The following SDHA variants were observed in gnomAD, a reference collection of about 807,000 sequenced individuals.
SDHA encodes succinate dehydrogenase complex flavoprotein subunit A.
SDHA carries 48 observed loss-of-function variants against 78.4 expected under a neutral mutation model. That is an observed-to-expected ratio of 0.61 (90% CI 0.49 to 0.78). The LOEUF (loss-of-function observed/expected upper bound fraction) is 0.78. Among genes scored for constraint, SDHA ranks in the 30% least tolerant of loss-of-function variants. The probability of loss-of-function intolerance (pLI) is 0.00; values close to 1 mark genes in which losing one functional copy is unlikely to be tolerated. For missense variants in SDHA, 680 were observed against 892.7 expected (o/e 0.76, Z 3.04); for synonymous variants, 326 against 353.9 (o/e 0.92, Z 0.88).
chr5:225,565 G>T lies in SDHA; in HGVS notation c.456+3G>T, dbSNP rs1362754028. 6.2e-7 allele frequency: 1 copy of T among 1,613,912 alleles called. No homozygotes were observed. On this transcript the variant is annotated splice_donor_region_variant and intron_variant, in intron 4 of 14. Coordinates refer to ENST00000264932, the MANE Select transcript of SDHA (RefSeq NM_004168.4). ...AGGCCCCCGCCGCCGTGGTCGAGGTGATGGGCGGGAGGCTCTGGGTGTTCT... is the reference window on the plus strand; with the variant it reads ...AGGCCCCCGCCGCCGTGGTCGAGGTTATGGGCGGGAGGCTCTGGGTGTTCT...
chr5:221,874 C>A (rs186385050), intron 1 of SDHA, among the ~76,000 whole-genome samples: 49 of 152,124 alleles, frequency 3.2e-4, no homozygotes, highest in Non-Finnish European at 6.6e-4. Flanking sequence ...GTAGCTGCCC[C>A]TTTTAAGCCA....
intron 13 of SDHA, among the ~76,000 whole-genome samples, chr5:252,281 C>A (rs111404652): frequency 0.064 from 3,016 of 46,826 alleles, 4 homozygotes; most frequent in Middle Eastern, 0.17. Flanking sequence ...AGGAAATGCC[C>A]GTTTATTAAA....
At chr5:264,947 C>T in the SDHA span, among the ~76,000 whole-genome samples, 3 of 152,222 alleles carry the variant, frequency 2.0e-5, no homozygotes, top group African/African-American at 7.2e-5. Flanking sequence ...GTGGCTCACA[C>T]CTGTAATCCC....
At chr5:262,562 G>A in the SDHA span, among the ~76,000 whole-genome samples, 1 of 152,072 alleles carries the variant, frequency 6.6e-6, no homozygotes, top group Non-Finnish European at 1.5e-5. Context: ...GATCTGAGAT[G>A]GAACCGTTTC....
intron 11 of SDHA, among the ~76,000 whole-genome samples, chr5:243,171 T>C (rs10475142): frequency 0.24 from 36,617 of 152,068 alleles, 6,845 homozygotes; most frequent in African/African-American, 0.52. Flanking sequence ...GAATACACCC[T>C]GCAGATCAAC....
At chr5:249,020 G>A in intron 11 of SDHA, 2 of 398,058 alleles carry the variant, frequency 5.0e-6, no homozygotes, top group Non-Finnish European at 4.8e-6. Flanking sequence ...CATCTAGAAG[G>A]ACACCGTACA....
In SDHA at chr5:225,580, C is replaced by G. The variant is rs770457461; in HGVS notation, c.456+18C>G. 5 of 1,613,820 alleles carry G rather than the reference C, an allele frequency of 3.1e-6. No individual in the cohort carries two copies. The highest frequency in any genetic ancestry group is 2.2e-5 in the South Asian group (2 of 91,078). On this transcript the variant is annotated intron_variant, in intron 4 of 14. Coordinates refer to ENST00000264932, the MANE Select transcript of SDHA (RefSeq NM_004168.4). ...TGGTCGAGGTGATGGGCGGGAGGCT[C>G]TGGGTGTTCTCGTGGTCTGTTTCTA...
At chr5:229,110 A>G (rs1484114768) in intron 6 of SDHA, among the ~76,000 whole-genome samples, 1 of 137,680 alleles carries the variant, frequency 7.3e-6, no homozygotes, top group Admixed American at 6.9e-5. Context: ...TACCAAGAGG[A>G]CAAAAGAGCA....
chr5:263,602 T>G, the SDHA span, among the ~76,000 whole-genome samples: 1 of 152,174 alleles, frequency 6.6e-6, no homozygotes, highest in Non-Finnish European at 1.5e-5. Flanking sequence ...TTATCTTCTG[T>G]GCATTACACC....
At chr5:234,868 A>G (rs140519744) in intron 8 of SDHA, 14,576 of 504,056 alleles carry the variant, frequency 0.029, 282 homozygotes, top group Non-Finnish European at 0.035. Flanking sequence ...GCACTTACCA[A>G]GGACACCTGC....
intron 6 of SDHA, among the ~76,000 whole-genome samples, chr5:230,325 A>G (rs1462940009): frequency 6.6e-6 from 1 of 152,174 alleles, no homozygotes; most frequent in Non-Finnish European, 1.5e-5. Flanking sequence ...GAACAGCACA[A>G]AGCTAAAATA....
chr5:240,318 C>T (rs375839455), intron 10 of SDHA, 40 bp from the exon 11 acceptor site: 138 of 1,345,644 alleles, frequency 1.0e-4, no homozygotes, highest in Middle Eastern at 2.1e-4. Flanking sequence ...TTTTTTAAAA[C>T]GGTTTTCAAA....
At chr5:248,809 A>G (rs569458247) in intron 11 of SDHA, among the ~76,000 whole-genome samples, 51 of 152,334 alleles carry the variant, frequency 3.3e-4, no homozygotes, top group African/African-American at 9.4e-4. Flanking sequence ...CGGCCACACT[A>G]TGTTCAGCTG....
chr5:234,769 C>T, intron 8 of SDHA: 1 of 320,838 alleles, frequency 3.1e-6, no homozygotes, highest in Non-Finnish European at 6.1e-6. Flanking sequence ...ACTTGAGCAT[C>T]CACGGATTTT....
At chr5:226,446 A>G (rs1209191887) in intron 5 of SDHA, among the ~76,000 whole-genome samples, 1 of 152,164 alleles carries the variant, frequency 6.6e-6, no homozygotes, top group Non-Finnish European at 1.5e-5. Context: ...AGCCTGGACA[A>G]CATAGCAAGA....
chr5:239,773 AT>A (rs113918084), intron 10 of SDHA, among the ~76,000 whole-genome samples: 226 of 144,054 alleles, frequency 1.6e-3, no homozygotes, highest in Admixed American at 1.8e-3. Context: ...TATACATTTA[AT>A]TTTTTTTTTT....
In SDHA at chr5:233,468, T is replaced by A; in HGVS notation, c.896-9T>A. On this transcript the variant is annotated splice_polypyrimidine_tract_variant and intron_variant, in intron 7 of 14. Transcript: ENST00000264932. ...TTGTTAGGTAATAAATATGTGTGGTTTTTTGCAGGCATATATGGTGCTGGT... is the reference window on the plus strand; with the variant it reads ...TTGTTAGGTAATAAATATGTGTGGTATTTTGCAGGCATATATGGTGCTGGT... The A allele has an allele frequency of 6.2e-7, 1 of 1,614,060 alleles. No individual in the cohort carries two copies. Among genetic ancestry groups the A allele is most frequent in the Non-Finnish European group, 8.5e-7 (1 of 1,179,900 alleles).
chr5:220,160 G>A (rs1025321435), intron 1 of SDHA: 2 of 284,366 alleles, frequency 7.0e-6, no homozygotes, highest in African/African-American at 2.2e-5. Flanking sequence ...GTGGTGTTTT[G>A]ATCATTCTGT....
At chr5:219,652 T>C (rs1734602588) in intron 1 of SDHA, among the ~76,000 whole-genome samples, 1 of 152,164 alleles carries the variant, frequency 6.6e-6, no homozygotes, top group African/African-American at 2.4e-5. Context: ...CTGCCGCATC[T>C]TGGGCTTTTA....
Sources: gnomAD v4.1 joint callset for allele counts (sites outside exome capture counted in the v4.1 genomes callset) on GRCh38, gnomAD v4.1.1 for gene constraint, MANE v1.5 for transcripts, NCBI Gene and HGNC (gene_info 2026-07-23, HGNC 2026-07-21) for gene names.